UGGT1: variants seen among roughly 807,000 people sequenced by gnomAD.
UGGT1 encodes UDP-glucose:glycoprotein glucosyltransferase 1.
A neutral mutation model predicts 203.9 loss-of-function variants in UGGT1; 107 were observed. The ratio of observed to expected loss-of-function variants is 0.52; its 90% CI spans 0.45 to 0.62. The LOEUF is 0.62. Among genes scored for constraint, UGGT1 ranks in the 20% least tolerant of loss-of-function variants. The probability of loss-of-function intolerance (pLI) is 0.00; values close to 1 mark genes in which losing one functional copy is unlikely to be tolerated. For missense variants in UGGT1, 1,673 were observed against 1,867.2 expected (o/e 0.90, Z 1.92); for synonymous variants, 628 against 653.5 (o/e 0.96, Z 0.59).
At chr2:128,184,300 GTTTTGGATACATATTTCACATAT>G in intron 38 of UGGT1, among the ~76,000 whole-genome samples, 1 of 152,188 alleles carries the variant, frequency 6.6e-6, no homozygotes, top group South Asian at 2.1e-4. Flanking sequence ...TAGTTTAAGG[GTTTTGGATACATATTTCACATAT>G]TTTAAGCATT....
Position 128,189,768 on chromosome 2 carries a change from C to A in UGGT1, c.*26C>A. Reference sequence around the variant, plus strand: ...TCTCTGGAGAAGGACAGGAAATCACCCCATTTGAAAAACAGTTTTTATAAT... The same window carrying A: ...TCTCTGGAGAAGGACAGGAAATCACACCATTTGAAAAACAGTTTTTATAAT... On this transcript the variant is annotated 3_prime_UTR_variant, in exon 41 of 41. Transcript: ENST00000259253. The A allele has an allele frequency of 1.9e-6, 3 of 1,611,564 alleles. No individual in the cohort carries two copies. Among genetic ancestry groups the A allele is most frequent in the Non-Finnish European group, 2.5e-6 (3 of 1,178,432 alleles).
intron 18 of UGGT1, chr2:128,151,357 A>C: frequency 2.2e-6 from 1 of 460,966 alleles, no homozygotes; most frequent in Non-Finnish European, 4.0e-6. Flanking sequence ...CAGGCCCTGC[A>C]ACCCTACTTT....
At position 128,183,937 on chromosome 2, in the gene UGGT1, T is replaced by TGTGTGAGA. The variant is rs151153786; in HGVS notation, c.4359+149_4359+150insTGTGAGAG. On this transcript the variant is annotated intron_variant, in intron 38 of 40. Coordinates refer to ENST00000259253, the MANE Select transcript of UGGT1 (RefSeq NM_020120.4). The stretch of plus-strand genomic sequence containing the variant: ...GTGTGTGTGTGTGTGTGTGTGTGTG[T>TGTGTGAGA]GAGAGAGAGAGAGAGAGAGAGAGAT... 31 of 328,612 alleles carry TGTGTGAGA rather than the reference T, an allele frequency of 9.4e-5. No homozygotes were observed. The Admixed American group carries it at 1.2e-3, about 13-fold the overall frequency. The allele number at this position is 328,612 out of a possible 1,614,324, so 20.4% of individuals were successfully genotyped here. A position where few individuals can be genotyped will look rare whatever the true frequency, so the allele number is the denominator to read the frequency against.
chr2:128,178,043 A>G (rs113713497), intron 33 of UGGT1, 123 bp downstream of exon 33: 28 of 782,510 alleles, frequency 3.6e-5, no homozygotes, highest in Non-Finnish European at 1.8e-5. Context: ...GTGCAGCTAC[A>G]TCTCACACTT....
Position 128,121,314 on chromosome 2 carries a change from G to A in UGGT1, c.1073+16G>A. The A allele has an allele frequency of 6.4e-7, 1 of 1,573,226 alleles. No individual in the cohort carries two copies. On this transcript the variant is annotated intron_variant, in intron 10 of 40. Transcript: ENST00000259253. ...CCAAAGCCAGGTAATGTAGAATAAT[G>A]CTCTTCTCCTTAACATCATACCCAG...
At chr2:128,133,730 C>CT (rs1355549046) in intron 14 of UGGT1, among the ~76,000 whole-genome samples, 9 of 152,144 alleles carry the variant, frequency 5.9e-5, no homozygotes, top group Admixed American at 1.3e-4. Context: ...TAAGATAGCT[C>CT]TTTTTTTACA....
At chr2:128,130,086 C>A (rs1046719629) in intron 13 of UGGT1, among the ~76,000 whole-genome samples, 2 of 151,960 alleles carry the variant, frequency 1.3e-5, no homozygotes, top group African/African-American at 4.8e-5. Flanking sequence ...CATGGTGAAA[C>A]CCCGTCTGTA....
chr2:128,151,970 T>A (rs1425429950), intron 18 of UGGT1, among the ~76,000 whole-genome samples: 1 of 152,232 alleles, frequency 6.6e-6, no homozygotes, highest in Non-Finnish European at 1.5e-5. Flanking sequence ...TGTTGACACA[T>A]GGCTCTGAGA....
intron 26 of UGGT1, among the ~76,000 whole-genome samples, chr2:128,169,232 A>G (rs1690967784): frequency 6.6e-6 from 1 of 152,070 alleles, no homozygotes; most frequent in Non-Finnish European, 1.5e-5. Flanking sequence ...TTAGCCCGGC[A>G]TGGTGGCATG....
At position 128,180,892 on chromosome 2, in the gene UGGT1, G is replaced by A; in HGVS notation, c.3903G>A (p.Glu1301=). 3.1e-6 allele frequency: 5 copies of A among 1,612,576 alleles called. No individual in the cohort carries two copies. Among genetic ancestry groups the A allele is most frequent in the Admixed American group, 1.7e-5 (1 of 59,746 alleles). ...GTTGTTCCCATGTCTAAAAATAGGA[G>A]TTTATACCTTACATGGCAAATGAAT... ...LKNYLSPTFK[E]FIPYMANEYN... The change falls in exon 36 of 41, where the codon GAG becomes GAA. Residue 1301 remains glutamate, a splice_region_variant and synonymous_variant. Coordinates refer to ENST00000259253, the MANE Select transcript of UGGT1 (RefSeq NM_020120.4).
intron 36 of UGGT1, among the ~76,000 whole-genome samples, chr2:128,181,684 C>A (rs1691697769): frequency 1.3e-5 from 2 of 152,320 alleles, no homozygotes; most frequent in South Asian, 4.1e-4. Context: ...GAATTCTCTT[C>A]CACTGGCTTA....
intron 6 of UGGT1, among the ~76,000 whole-genome samples, chr2:128,114,768 T>C (rs1457593529): frequency 2.6e-5 from 4 of 152,234 alleles, no homozygotes; most frequent in Admixed American, 6.5e-5. Flanking sequence ...GTTTTGCTTC[T>C]ACCTTGGAAT....
chr2:128,166,984 C>T lies in UGGT1; in HGVS notation c.2921+2159C>T, dbSNP rs56748573. 2.5e-3 allele frequency among the ~76,000 whole-genome samples: 373 copies of T among 152,196 alleles called. 1 individual carries two copies. The highest frequency in any genetic ancestry group is 0.014 in the Middle Eastern group (4 of 294). On this transcript the variant is annotated intron_variant, in intron 26 of 40. Coordinates refer to ENST00000259253, the MANE Select transcript of UGGT1 (RefSeq NM_020120.4). ...TGATGATTGTAGGCTGGAATGGAGGCCCTCTCTGTTTGCACTGGTTGTGTG... is the reference window on the plus strand; with the variant it reads ...TGATGATTGTAGGCTGGAATGGAGGTCCTCTCTGTTTGCACTGGTTGTGTG...
chr2:128,158,782 T>G (rs1690374127), intron 22 of UGGT1, among the ~76,000 whole-genome samples: 1 of 152,188 alleles, frequency 6.6e-6, no homozygotes, highest in African/African-American at 2.4e-5. Context: ...GATTCTTGTC[T>G]TTTCACCCAG....
chr2:128,180,001 AT>A, intron 35 of UGGT1, 131 bp downstream of exon 35: 1 of 727,458 alleles, frequency 1.4e-6, no homozygotes, highest in Non-Finnish European at 2.2e-6. Flanking sequence ...TTGGTTGCAT[AT>A]TTTTATTTTG....
At chr2:128,129,329 T>C (rs1324922572) in intron 13 of UGGT1, 150 bp downstream of exon 13, 13 of 925,776 alleles carry the variant, frequency 1.4e-5, no homozygotes, top group Admixed American at 1.0e-4. Context: ...ACTTTGTGTA[T>C]GTAATAAAGT....
chr2:128,111,346 C>A (rs891366611), intron 5 of UGGT1, among the ~76,000 whole-genome samples: 7 of 151,968 alleles, frequency 4.6e-5, no homozygotes, highest in Non-Finnish European at 1.0e-4. Context: ...CAGAGTGAGA[C>A]CCTGACTCCA....
chr2:128,113,103 A>G lies in UGGT1; in HGVS notation c.541A>G (p.Lys181Glu), dbSNP rs767223317. ...TTTCAGACCCAAACCTTTATTGTTC[A>G]AAGGAGATCACAGATATCCCTCGTC... The part of the protein sequence containing the change: ...ASERPKPLLF[K>E]GDHRYPSSNP... Residue 181 changes from lysine (K) to glutamate (E), a missense_variant, in exon 6 of 41, where the codon AAA (lysine) becomes GAA (glutamate). By Grantham distance (56) the Lys-to-Glu change is moderately conservative. Coordinates refer to ENST00000259253, the MANE Select transcript of UGGT1 (RefSeq NM_020120.4). 1.7e-5 allele frequency: 27 copies of G among 1,593,954 alleles called. No individual in the cohort carries two copies. The highest frequency in any genetic ancestry group is 1.4e-4 in the East Asian group (6 of 44,332).
chr2:128,110,781 A>G (rs921189440), intron 5 of UGGT1, among the ~76,000 whole-genome samples: 2 of 152,184 alleles, frequency 1.3e-5, no homozygotes, highest in Non-Finnish European at 2.9e-5. Context: ...ATTTAGTACA[A>G]GTGGGTATAC....
Sources: gnomAD v4.1 joint callset for allele counts (sites outside exome capture counted in the v4.1 genomes callset) on GRCh38, gnomAD v4.1.1 for gene constraint, MANE v1.5 for transcripts, NCBI Gene and HGNC (gene_info 2026-07-23, HGNC 2026-07-21) for gene names.